The following CCDC22 variants were observed in gnomAD, a reference collection of about 807,000 sequenced individuals.
The protein encoded by CCDC22 is CCC complex scaffolding subunit CCDC22.
Under a neutral mutation model 53.1 loss-of-function variants are expected in CCDC22, and 4 were observed. The observed-to-expected ratio is 0.08, with a 90% CI of 0.04 to 0.17. The LOEUF (loss-of-function observed/expected upper bound fraction) is 0.17, where lower values mean the gene tolerates loss of function less well. Among genes scored for constraint, CCDC22 ranks in the 10% least tolerant of loss-of-function variants. The probability of loss-of-function intolerance (pLI) is 1.00; values close to 1 mark genes in which losing one functional copy is unlikely to be tolerated. For missense variants in CCDC22, 458 were observed against 554.0 expected, an observed-to-expected ratio of 0.83 and a Z score of 1.74; for synonymous variants, 222 against 224.4, an observed-to-expected ratio of 0.99 and a Z score of 0.10.
At chrX:49,249,615 G>GGGGGGGA in intron 15 of CCDC22, 36 bp from the exon 16 acceptor site, 2 of 406,827 alleles carry the variant, frequency 4.9e-6, no homozygotes, top group Non-Finnish European at 9.0e-6. Flanking sequence ...GGGTGGGTGG[G>GGGGGGGA]ACTGGGTGCA....
rs2066015944 is a variant in CCDC22, at chrX:49,249,817, C to T, written c.1770+92C>T. The T allele has an allele frequency of 1.6e-5, 13 of 792,449 alleles. No individual in the cohort carries two copies. In the East Asian group the frequency reaches 2.6e-4, roughly 16 times the overall value. 65.3% of individuals were successfully genotyped at this position (792,449 alleles called of 1,213,427 possible). On this transcript the variant is annotated intron_variant, in intron 16 of 16. Transcript: ENST00000376227. ...CAGAGGCTGTGGAGCCACACACAGC[C>T]GATGGCTGGACACCCAGCCCTGCCC... is the stretch of plus-strand genomic sequence containing the variant.
Position 49,250,199 on chromosome X carries a change from G to A in CCDC22, c.1822G>A (p.Glu608Lys). ...CCTCAGCAACCTGGAGAAGATCCGG[G>A]AGGACTACCGAGCCCTCCGCCAGGA... Reference protein sequence around the residue: ...KTLSNLEKIREDYRALRQENA... With the variant: ...KTLSNLEKIRKDYRALRQENA... Residue 608 changes from glutamate to lysine, a missense_variant, in exon 17 of 17, where the codon GAG (glutamate) becomes AAG (lysine). Coordinates refer to ENST00000376227, the MANE Select transcript of CCDC22 (RefSeq NM_014008.5). 6 of 1,166,793 alleles carry A rather than the reference G, an allele frequency of 5.1e-6. No homozygotes were observed. The highest frequency in any genetic ancestry group is 5.7e-6 in the Non-Finnish European group (5 of 871,384).
intron 15 of CCDC22, 23 bp downstream of exon 15, chrX:49,249,591 G>C (rs782692561): frequency 1.7e-6 from 2 of 1,189,719 alleles, no homozygotes; most frequent in Admixed American, 4.4e-5. Context: ...ATGTGCCTGG[G>C]GTGGGGCTGC....
At chrX:49,237,406 G>A in intron 2 of CCDC22, 143 bp downstream of exon 2, 3 of 586,619 alleles carry the variant, frequency 5.1e-6, no homozygotes, top group East Asian at 3.6e-5. Flanking sequence ...TTTTTCCTGC[G>A]GCTTAGTTTT....
rs781819198 is a variant in CCDC22 at position 49,246,464 on chromosome X, AC to A, written c.715-261del. ...TCTTGGATTTGGGGGCTCTAGGCCC[AC>A]CCCCCTCTCTTCCCACATCCTTCTC... On this transcript the variant is annotated intron_variant, in intron 6 of 16. Transcript: ENST00000376227. 1.8e-4 allele frequency among the ~76,000 whole-genome samples: 20 copies of A among 108,296 alleles called. No individual in the cohort carries two copies. In the East Asian group the frequency reaches 2.9e-3, roughly 16 times the overall value. 94.0% of individuals were successfully genotyped at this position (108,296 alleles called of 115,157 possible).
chrX:49,246,600 C>T, intron 6 of CCDC22, 131 bp from the exon 7 acceptor site: 1 of 515,754 alleles, frequency 1.9e-6, no homozygotes, highest in Non-Finnish European at 3.1e-6. Flanking sequence ...CAGGGCCTGC[C>T]TTAGTGGGAA....
intron 2 of CCDC22, among the ~76,000 whole-genome samples, chrX:49,240,370 C>G (rs2065957918): frequency 9.1e-6 from 1 of 110,082 alleles, no homozygotes; most frequent in African/African-American, 3.3e-5. Flanking sequence ...CCTGGCCAAC[C>G]TGGCGAAACC....
chrX:49,247,558 G>T lies in CCDC22; in HGVS notation c.972G>T (p.Gln324His). 3 of 1,197,432 alleles carry T rather than the reference G, an allele frequency of 2.5e-6. No homozygotes were observed. Among genetic ancestry groups the T allele is most frequent in the Non-Finnish European group, 2.3e-6 (2 of 888,414 alleles). The part of the protein sequence containing the change: ...DVPATSRRPE[Q>H]VTWAAQEQEL... ...CAGCCACCTCCCGGCGGCCTGAACA[G>T]GTGAGCAGAGTGGTTTGGAGGGGGG... Residue 324 changes from glutamine to histidine, a missense_variant and splice_region_variant, in exon 8 of 17, where the codon CAG (glutamine) becomes CAT (histidine). By Grantham distance (24) the Gln-to-His change is conservative (BLOSUM62 0). This residue lies in a region of CCDC22 where 309 missense variants were observed against 312.3 expected (regional missense o/e 0.99). Coordinates refer to ENST00000376227, the MANE Select transcript of CCDC22 (RefSeq NM_014008.5).
At position 49,237,164 on chromosome X, in the gene CCDC22, T is replaced by C; in HGVS notation, c.129T>C (p.Arg43=). Residue 43 remains arginine, a synonymous_variant, in exon 2 of 17, where the codon CGT becomes CGC. Coordinates refer to ENST00000376227, the MANE Select transcript of CCDC22 (RefSeq NM_014008.5). ...TAGAGGCTGTGGTCCGCTGCCTGCG[T>C]GTGATCAACCCTGCGGTGGGCTCTG... ...LVVEAVVRCL[R]VINPAVGSGL... is the part of the protein sequence containing the mutation. The C allele has an allele frequency of 2.5e-6, 3 of 1,212,047 alleles. No individual in the cohort carries two copies. Among genetic ancestry groups the C allele is most frequent in the Non-Finnish European group, 3.4e-6 (3 of 895,416 alleles).
chrX:49,248,247 G>T lies in CCDC22; in HGVS notation c.1149G>T (p.Leu383=). 8.3e-7 allele frequency: 1 copy of T among 1,206,533 alleles called. No homozygotes were observed. ...GTACAGCAGAGCGTGAGCAGGCCCT[G>T]CGCCTGAAGAGCCGCGCGGTGGAGC... is the stretch of plus-strand genomic sequence containing the variant. ...KLSTAEREQA[L]RLKSRAVELL... The change falls in exon 10 of 17, where the codon CTG becomes CTT. Residue 383 remains leucine (L), a synonymous_variant. Transcript: ENST00000376227.
chrX:49,247,565 A>G lies in CCDC22; in HGVS notation c.972+7A>G, dbSNP rs782576590. On this transcript the variant is annotated splice_region_variant and intron_variant, in intron 8 of 16. Transcript: ENST00000376227. ...CTCCCGGCGGCCTGAACAGGTGAGC[A>G]GAGTGGTTTGGAGGGGGGTGTCCCA... 9.2e-6 allele frequency: 11 copies of G among 1,196,300 alleles called. No individual in the cohort carries two copies. The highest frequency in any genetic ancestry group is 1.1e-5 in the Non-Finnish European group (10 of 887,874).
intron 1 of CCDC22, among the ~76,000 whole-genome samples, chrX:49,236,574 G>A (rs782806595): frequency 1.8e-5 from 2 of 110,855 alleles, no homozygotes; most frequent in African/African-American, 6.6e-5. Context: ...AGACTCCTCC[G>A]TTCAGAGGCC....
chrX:49,243,294 G>T lies in CCDC22; in HGVS notation c.546G>T (p.Glu182Asp). The change falls in exon 6 of 17, where the codon GAG (glutamate) becomes GAT (aspartate). Residue 182 changes from glutamate (E) to aspartate (D), a missense_variant. By Grantham distance (45) the Glu-to-Asp change is conservative. Around this residue, in one of 4 missense-constraint regions of CCDC22, gnomAD observed 309 missense variants for 312.3 expected, o/e 0.99. Transcript: ENST00000376227. ...TGTTCCTGCCTCCAGAGCCACGGGA[G>T]TTCCAGGCGAGTCCCCTGCTGCTTC... ...PELSSRGEPR[E>D]FQASPLLLPV... is the part of the protein sequence containing the mutation. 1.7e-6 allele frequency: 2 copies of T among 1,201,095 alleles called. No individual in the cohort carries two copies.
chrX:49,248,685 G>T lies in CCDC22; in HGVS notation c.1382G>T (p.Arg461Leu). 8.3e-7 allele frequency: 1 copy of T among 1,210,913 alleles called. No individual in the cohort carries two copies. The highest frequency in any genetic ancestry group is 1.7e-5 in the African/African-American group (1 of 57,664). The change falls in exon 12 of 17, where the codon CGG becomes CTG. Residue 461 changes from arginine to leucine, a missense_variant. Transcript: ENST00000376227. ...ATCCAAGAACTGCACCAGAGTGTCCGGGCGGCTGCTGAAGAGGCCCGCAGG... is the reference window on the plus strand; with the variant it reads ...ATCCAAGAACTGCACCAGAGTGTCCTGGCGGCTGCTGAAGAGGCCCGCAGG... ...AEIQELHQSV[R>L]AAAEEARRKE...
intron 2 of CCDC22, among the ~76,000 whole-genome samples, chrX:49,240,427 G>A (rs1203225535): frequency 9.0e-6 from 1 of 110,865 alleles, no homozygotes; most frequent in Non-Finnish European, 1.9e-5. Context: ...GGTGGTGTGT[G>A]CCTGTAATCC....
In CCDC22 at chrX:49,247,632, T is replaced by C; in HGVS notation, c.973-17T>C. Reference sequence around the variant, plus strand: ...CTGGGCCTGACACCCCAACCCTGACTGGCCTGGGCCTCCCAGGTCACGTGG... The same window carrying C: ...CTGGGCCTGACACCCCAACCCTGACCGGCCTGGGCCTCCCAGGTCACGTGG... On this transcript the variant is annotated splice_polypyrimidine_tract_variant and intron_variant, in intron 8 of 16. Transcript: ENST00000376227. 1 of 1,187,676 alleles carries C rather than the reference T, an allele frequency of 8.4e-7. No individual in the cohort carries two copies. The highest frequency in any genetic ancestry group is 1.1e-6 in the Non-Finnish European group (1 of 883,294).
intron 9 of CCDC22, among the ~76,000 whole-genome samples, chrX:49,247,973 C>T (rs933369071): frequency 3.6e-5 from 4 of 110,159 alleles, no homozygotes; most frequent in South Asian, 3.9e-4. Flanking sequence ...TATGGGGCAC[C>T]GCGGGTCTGC....
At chrX:49,246,960 G>A (rs1557114318) in intron 7 of CCDC22, 35 bp downstream of exon 7, 1 of 1,102,457 alleles carries the variant, frequency 9.1e-7, no homozygotes, top group South Asian at 1.9e-5. Flanking sequence ...TGTGTGGATG[G>A]GCGTGGCAGG....
intron 6 of CCDC22, among the ~76,000 whole-genome samples, chrX:49,246,442 T>C (rs1215085653): frequency 8.9e-6 from 1 of 111,949 alleles, no homozygotes. Context: ...ATGCTTCTCT[T>C]GGATTTGGGG....
Sources: allele counts gnomAD v4.1 joint callset (sites outside exome capture counted in the v4.1 genomes callset), GRCh38; gene constraint gnomAD v4.1.1; regional missense constraint gnomAD v4.1.1; transcripts MANE v1.5; gene names NCBI Gene and HGNC (gene_info 2026-07-23, HGNC 2026-07-21).